The following ARMH4 variants were observed in gnomAD, a reference collection of about 807,000 sequenced individuals.
The protein encoded by ARMH4 is armadillo-like helical domain-containing protein 4.
ARMH4 carries 49 observed loss-of-function variants against 61.9 expected under a neutral mutation model. That is an observed-to-expected ratio of 0.79 (90% CI 0.63 to 1.00). The LOEUF is 1.00. ARMH4 is among the 50% of genes least tolerant of loss of function. ARMH4 has a pLI of 0.00. For missense variants in ARMH4, 934 were observed against 930.0 expected (o/e 1.00, Z -0.06); for synonymous variants, 368 against 341.5 (o/e 1.08, Z -0.85).
intron 4 of ARMH4, among the ~76,000 whole-genome samples, chr14:58,112,570 A>G (rs989608796): frequency 6.6e-6 from 1 of 151,974 alleles, no homozygotes; most frequent in African/African-American, 2.4e-5. Context: ...TTTTATACAG[A>G]GTGCTTATGA....
intron 6 of ARMH4, among the ~76,000 whole-genome samples, chr14:58,011,420 A>G (rs1396248514): frequency 6.6e-6 from 1 of 152,144 alleles, no homozygotes; most frequent in African/African-American, 2.4e-5. Context: ...CACTGAAAAG[A>G]TTTCCATTTA....
intron 5 of ARMH4, among the ~76,000 whole-genome samples, chr14:58,049,034 G>A (rs1417532666): frequency 2.6e-5 from 4 of 151,940 alleles, no homozygotes; most frequent in Admixed American, 6.6e-5. Flanking sequence ...TCAGGAGATC[G>A]AGACCATCCT....
chr14:58,040,813 G>A (rs1883668072), intron 5 of ARMH4, among the ~76,000 whole-genome samples: 2 of 152,154 alleles, frequency 1.3e-5, no homozygotes, highest in Non-Finnish European at 2.9e-5. Flanking sequence ...AGTATATTGT[G>A]AACTAAATCA....
At chr14:58,126,806 T>A (rs1222145927) in intron 4 of ARMH4, among the ~76,000 whole-genome samples, 35 of 151,346 alleles carry the variant, frequency 2.3e-4, no homozygotes, top group African/African-American at 7.8e-4. Flanking sequence ...CATTGGATTT[T>A]TTTTTTTTTT....
At chr14:58,141,555 C>T (rs767088120) in intron 1 of ARMH4, 19 of 514,780 alleles carry the variant, frequency 3.7e-5, no homozygotes, top group African/African-American at 5.8e-5. Context: ...ACAACTGCGA[C>T]GAGATGATCT....
chr14:58,064,964 C>T (rs980137654), intron 5 of ARMH4, among the ~76,000 whole-genome samples: 3 of 152,106 alleles, frequency 2.0e-5, no homozygotes, highest in Non-Finnish European at 4.4e-5. Flanking sequence ...GAGAATCTGG[C>T]CAGGTGTGGT....
Position 58,144,128 on chromosome 14 carries a change from T to C in ARMH4, c.-56-4714A>G, listed in dbSNP as rs140191990. ...GCAAAGATATTTGATAAAGAGGAAA[T>C]AGCATGTGCCACAGCATGTCAACAT... is the stretch of plus-strand genomic sequence containing the variant. On this transcript the variant is annotated intron_variant, in intron 1 of 7. Transcript: ENST00000267485. 1.0e-3 allele frequency among the ~76,000 whole-genome samples: 153 copies of C among 152,248 alleles called. No homozygotes were observed. The Middle Eastern group carries it at 0.017, about 17-fold the overall frequency.
intron 3 of ARMH4, among the ~76,000 whole-genome samples, 187 bp from the exon 4 acceptor site, chr14:58,131,908 G>T (rs558716781): frequency 6.6e-6 from 1 of 152,140 alleles, no homozygotes; most frequent in East Asian, 1.9e-4. Context: ...AGACTTTCAG[G>T]AAAATGTATT....
At chr14:58,083,426 T>A (rs932421964) in intron 5 of ARMH4, among the ~76,000 whole-genome samples, 1 of 151,964 alleles carries the variant, frequency 6.6e-6, no homozygotes, top group African/African-American at 2.4e-5. Flanking sequence ...CTTAAAAAAT[T>A]AAAAATATTA....
At chr14:58,133,019 A>C in intron 3 of ARMH4, 71 bp downstream of exon 3, 1 of 1,557,002 alleles carries the variant, frequency 6.4e-7, no homozygotes, top group Non-Finnish European at 8.8e-7. Flanking sequence ...TGCCTCACTC[A>C]TTCTATTCCT....
chr14:58,040,626 C>A (rs1883659691), intron 5 of ARMH4, among the ~76,000 whole-genome samples: 1 of 152,114 alleles, frequency 6.6e-6, no homozygotes, highest in Non-Finnish European at 1.5e-5. Flanking sequence ...AATGAACATA[C>A]ATGTACTTGT....
At chr14:58,103,046 T>C (rs1395490948) in intron 4 of ARMH4, among the ~76,000 whole-genome samples, 7 of 151,522 alleles carry the variant, frequency 4.6e-5, no homozygotes, top group African/African-American at 1.5e-4. Flanking sequence ...CGCATGAGAA[T>C]TGCTTGAACC....
At chr14:58,034,541 T>A (rs1883401495) in intron 5 of ARMH4, among the ~76,000 whole-genome samples, 1 of 111,984 alleles carries the variant, frequency 8.9e-6, no homozygotes, top group African/African-American at 3.4e-5. Flanking sequence ...AGGATCAAAT[T>A]CACACATAAC....
chr14:58,029,734 G>T (rs982913804), intron 5 of ARMH4, among the ~76,000 whole-genome samples: 1 of 152,176 alleles, frequency 6.6e-6, no homozygotes, highest in African/African-American at 2.4e-5. Context: ...AGAGAAGTTA[G>T]AACTCTCATA....
chr14:58,082,065 A>C (rs1292224214), intron 5 of ARMH4, among the ~76,000 whole-genome samples: 1 of 152,246 alleles, frequency 6.6e-6, no homozygotes, highest in South Asian at 2.1e-4. Flanking sequence ...TCTCTAAGAC[A>C]GGCAATAACT....
intron 5 of ARMH4, among the ~76,000 whole-genome samples, chr14:58,095,464 C>T (rs922484806): frequency 5.9e-5 from 9 of 152,180 alleles, no homozygotes; most frequent in African/African-American, 2.2e-4. Context: ...TTCACTTGTT[C>T]ACAGACCAGA....
chr14:58,125,558 T>A (rs1886871111), intron 4 of ARMH4, among the ~76,000 whole-genome samples: 1 of 152,182 alleles, frequency 6.6e-6, no homozygotes, highest in Non-Finnish European at 1.5e-5. Context: ...GTTAAGTTTG[T>A]CTCTTCCAGA....
intron 4 of ARMH4, among the ~76,000 whole-genome samples, chr14:58,104,807 G>A (rs141925995): frequency 6.6e-6 from 1 of 152,184 alleles, no homozygotes; most frequent in African/African-American, 2.4e-5. Flanking sequence ...AATCAACAGC[G>A]CTCAATAAGT....
At chr14:58,078,128 T>C (rs1164981339) in intron 5 of ARMH4, among the ~76,000 whole-genome samples, 1 of 152,220 alleles carries the variant, frequency 6.6e-6, no homozygotes, top group Non-Finnish European at 1.5e-5. Flanking sequence ...AGATTAGCAG[T>C]TCTTGTCTCC....
Sources: gnomAD v4.1 joint callset for allele counts (sites outside exome capture counted in the v4.1 genomes callset) on GRCh38, gnomAD v4.1.1 for gene constraint, MANE v1.5 for transcripts, NCBI Gene and HGNC (gene_info 2026-07-23, HGNC 2026-07-21) for gene names.